Variants in KIF26B observed in about 807,000 individuals in gnomAD.
The protein encoded by KIF26B is kinesin family member 26B, also known as kinesin-like protein KIF26B.
In KIF26B, 63 loss-of-function variants were observed where a neutral mutation model predicts 151.2. That is an observed-to-expected ratio of 0.42 (90% CI 0.34 to 0.51). The LOEUF (loss-of-function observed/expected upper bound fraction) is 0.51, where lower values mean the gene tolerates loss of function less well. KIF26B is among the 20% of genes least tolerant of loss of function. The pLI, the probability that KIF26B is intolerant of heterozygous loss-of-function variation, is 0.07. For synonymous variants in KIF26B, 1,357 were observed against 1,262.1 expected (o/e 1.08, Z -1.59); for missense variants, 2,813 against 2,913.6 (o/e 0.97, Z 0.79).
At chr1:245,647,514 A>C (rs779530075) in intron 10 of KIF26B, among the ~76,000 whole-genome samples, 4 of 152,042 alleles carry the variant, frequency 2.6e-5, no homozygotes, top group Non-Finnish European at 5.9e-5. Context: ...GTCTGGTTAC[A>C]CCTATCTAGT....
chr1:245,636,337 C>T (rs2043833461), intron 9 of KIF26B, among the ~76,000 whole-genome samples: 1 of 135,976 alleles, frequency 7.4e-6, no homozygotes, highest in South Asian at 2.3e-4. Flanking sequence ...TATCTCATTT[C>T]TCATTATAGA....
intron 2 of KIF26B, among the ~76,000 whole-genome samples, chr1:245,331,285 G>A (rs1376654725): frequency 2.6e-5 from 4 of 152,090 alleles, no homozygotes; most frequent in Non-Finnish European, 5.9e-5. Flanking sequence ...TGGGGGTGCT[G>A]AGCCAGGAGC....
rs563756010 is a variant in KIF26B at position 245,167,201 on chromosome 1, T to C, written c.465+10518T>C. 2.7e-4 allele frequency among the ~76,000 whole-genome samples: 41 copies of C among 152,242 alleles called. No individual in the cohort carries two copies. The highest frequency in any genetic ancestry group is 9.9e-4 in the African/African-American group (41 of 41,566). ...TTATATAATTGTTTTTTTTTTTGCT[T>C]GAAAGCATGAGCTGCAAATAATAAA... is the stretch of plus-strand genomic sequence containing the variant. On this transcript the variant is annotated intron_variant, in intron 2 of 14. Transcript: ENST00000407071. This position sits in a 1 kb window ranked among gnomAD's most constrained non-coding sequence, Gnocchi z 4.2.
intron 8 of KIF26B, among the ~76,000 whole-genome samples, chr1:245,610,385 T>A (rs2043506375): frequency 2.0e-5 from 3 of 152,190 alleles, no homozygotes; most frequent in Admixed American, 2.0e-4. Flanking sequence ...CGAGGACTTG[T>A]TTAAACACTG....
chr1:245,184,050 G>GTTTTGTTTTTTTTTT (rs1553332273), intron 2 of KIF26B, among the ~76,000 whole-genome samples: 16 of 19,802 alleles, frequency 8.1e-4, no homozygotes, highest in Non-Finnish European at 1.3e-3. Context: ...GGGAGTTGTT[G>GTTTTGTTTTTTTTTT]TTTTTTTTTT....
chr1:245,484,214 G>A (rs1008558771), intron 4 of KIF26B, among the ~76,000 whole-genome samples: 7 of 151,714 alleles, frequency 4.6e-5, no homozygotes, highest in Non-Finnish European at 1.0e-4. Flanking sequence ...ATAATGCTGG[G>A]TTACACTTTA....
chr1:245,327,613 C>A (rs1672016305), intron 2 of KIF26B, among the ~76,000 whole-genome samples: 1 of 152,184 alleles, frequency 6.6e-6, no homozygotes, highest in African/African-American at 2.4e-5. Flanking sequence ...ATAATTATGA[C>A]AATTCCCATG....
intron 2 of KIF26B, among the ~76,000 whole-genome samples, chr1:245,217,230 C>T (rs974754224): frequency 6.6e-6 from 1 of 152,158 alleles, no homozygotes; most frequent in Non-Finnish European, 1.5e-5. Flanking sequence ...AAAACCTCCA[C>T]CCAATTTAGC....
chr1:245,277,208 G>T (rs1421071207), intron 2 of KIF26B, among the ~76,000 whole-genome samples: 1 of 152,174 alleles, frequency 6.6e-6, no homozygotes, highest in African/African-American at 2.4e-5. Context: ...ATGAATTTCT[G>T]TTACTCTAAG....
chr1:245,243,562 G>C, intron 2 of KIF26B, among the ~76,000 whole-genome samples: 1 of 152,006 alleles, frequency 6.6e-6, no homozygotes, highest in Non-Finnish European at 1.5e-5. Context: ...TCTTTTCACA[G>C]TGTTTAAAGA....
chr1:245,223,516 C>T (rs1055810710), intron 2 of KIF26B, among the ~76,000 whole-genome samples: 1 of 152,204 alleles, frequency 6.6e-6, no homozygotes, highest in Non-Finnish European at 1.5e-5. Context: ...AGCCTTTCAG[C>T]CTCCTTTCCC....
chr1:245,258,196 C>T lies in KIF26B; in HGVS notation c.465+101513C>T, dbSNP rs548462086. Among the ~76,000 whole-genome samples the T allele has an allele frequency of 1.1e-4, 16 of 152,308 alleles. No homozygotes were observed. The East Asian group carries it at 2.3e-3, about 22-fold the overall frequency. On this transcript the variant is annotated intron_variant, in intron 2 of 14. Transcript: ENST00000407071. ...ATTTCCTCCTCCTCGTCACCACCTACGGTGTTTATGGAGTTCGCTGTACAT... is the reference window on the plus strand; with the variant it reads ...ATTTCCTCCTCCTCGTCACCACCTATGGTGTTTATGGAGTTCGCTGTACAT...
chr1:245,156,808 T>C, intron 2 of KIF26B, 125 bp downstream of exon 2: 1 of 540,084 alleles, frequency 1.9e-6, no homozygotes, highest in Non-Finnish European at 2.9e-6. Flanking sequence ...CCGGCGGCGC[T>C]GGGGATGCTC....
At chr1:245,513,237 G>C (rs113303646) in intron 4 of KIF26B, among the ~76,000 whole-genome samples, 1,788 of 122,104 alleles carry the variant, frequency 0.015, 46 homozygotes, top group African/African-American at 0.052. Flanking sequence ...GCCCCCTCTA[G>C]AATCTCACGT....
chr1:245,290,585 G>A (rs906439009), intron 2 of KIF26B, among the ~76,000 whole-genome samples: 1 of 152,218 alleles, frequency 6.6e-6, no homozygotes, highest in Non-Finnish European at 1.5e-5. Flanking sequence ...CAGTGAGGAC[G>A]ACCAGAGGTC....
At chr1:245,346,025 T>C (rs1335074383) in intron 2 of KIF26B, among the ~76,000 whole-genome samples, 2 of 150,038 alleles carry the variant, frequency 1.3e-5, no homozygotes. Context: ...TTCTGCCCCC[T>C]GGGTTCAAGC....
chr1:245,266,009 A>G (rs1336864131), intron 2 of KIF26B, among the ~76,000 whole-genome samples: 4 of 152,196 alleles, frequency 2.6e-5, no homozygotes, highest in Non-Finnish European at 5.9e-5. Context: ...ATCAAAAGAC[A>G]CCATAAAGTA....
chr1:245,219,855 C>T (rs573864020), intron 2 of KIF26B, among the ~76,000 whole-genome samples: 18 of 152,334 alleles, frequency 1.2e-4, no homozygotes, highest in Admixed American at 3.9e-4. Flanking sequence ...GAGTTGGCTG[C>T]GCCAGGGGAC....
At position 245,170,092 on chromosome 1, in the gene KIF26B, G is replaced by A. The variant is rs534691726; in HGVS notation, c.465+13409G>A. 6.6e-6 allele frequency among the ~76,000 whole-genome samples: 1 copy of A among 152,158 alleles called. No individual in the cohort carries two copies. Among genetic ancestry groups the A allele is most frequent in the African/African-American group, 2.4e-5 (1 of 41,426 alleles). On this transcript the variant is annotated intron_variant, in intron 2 of 14. Coordinates refer to ENST00000407071, the MANE Select transcript of KIF26B (RefSeq NM_018012.4). The surrounding 1 kb of genome is among the most constrained non-coding windows in gnomAD (Gnocchi z 4.4). The stretch of plus-strand genomic sequence containing the variant: ...GCTGCATAACCAAAACGTCACTGGT[G>A]TGAAGGAAGAGGATGATAGAGGATG...
Sources: allele counts gnomAD v4.1 joint callset (sites outside exome capture counted in the v4.1 genomes callset), GRCh38; gene constraint gnomAD v4.1.1; non-coding constraint Gnocchi (gnomAD v3.1); transcripts MANE v1.5; gene names NCBI Gene and HGNC (gene_info 2026-07-23, HGNC 2026-07-21).